FOXN3: variants seen among roughly 807,000 people sequenced by gnomAD.
The protein encoded by FOXN3 is forkhead box N3, also known as forkhead box protein N3.
Under a neutral mutation model 38.4 loss-of-function variants are expected in FOXN3, and 7 were observed. The observed-to-expected ratio is 0.18, with a 90% confidence interval of 0.10 to 0.34. The LOEUF is 0.34. Ranked by LOEUF, FOXN3 falls within the 10% of genes least tolerant of loss-of-function variation. The probability of loss-of-function intolerance (pLI) is 1.00; values close to 1 mark genes in which losing one functional copy is unlikely to be tolerated. For synonymous variants in FOXN3, 230 were observed against 242.2 expected (o/e 0.95, Z 0.47); for missense variants, 456 against 613.4 (o/e 0.74, Z 2.71).
intron 3 of FOXN3, among the ~76,000 whole-genome samples, chr14:89,296,042 TAGTA>T (rs759856509): frequency 6.6e-6 from 1 of 152,154 alleles, no homozygotes; most frequent in Admixed American, 6.5e-5. Context: ...ATCTCATTCA[TAGTA>T]AGTAATAGAT....
In FOXN3 at chr14:89,412,022, G is replaced by C. The variant is rs777453527; in HGVS notation, c.455C>G (p.Ala152Gly). The stretch of plus-strand genomic sequence containing the variant: ...GTTTTTCCACCCAGTAGGTGCATTT[G>C]CAAAATACGGAAAATGTTCCAAGAT... ...NWILEHFPYFANAPTGWKNSV... is the reference protein window; with the variant it reads ...NWILEHFPYFGNAPTGWKNSV... Residue 152 changes from alanine (A) to glycine (G), a missense_variant, in exon 2 of 6, where the codon GCA (alanine) becomes GGA (glycine). Physicochemically the swap from Ala to Gly is moderately conservative, Grantham distance 60. This residue lies in a region of FOXN3 where 386 missense variants were observed against 505.2 expected (regional missense o/e 0.76). Coordinates refer to ENST00000557258, the MANE Select transcript of FOXN3 (RefSeq NM_005197.4). This position sits in a 1 kb window ranked among gnomAD's most constrained non-coding sequence, Gnocchi z 4.7. The C allele has an allele frequency of 1.2e-6, 2 of 1,612,152 alleles. No homozygotes were observed. The highest frequency in any genetic ancestry group is 2.7e-5 in the African/African-American group (2 of 74,820).
chr14:89,545,832 C>T (rs1312980427), intron 1 of FOXN3, among the ~76,000 whole-genome samples: 1 of 152,184 alleles, frequency 6.6e-6, no homozygotes, highest in African/African-American at 2.4e-5. Flanking sequence ...CCCCAGAAAT[C>T]CTTTGCTGAG....
intron 3 of FOXN3, among the ~76,000 whole-genome samples, chr14:89,320,422 C>T (rs1219218902): frequency 2.0e-5 from 3 of 152,242 alleles, no homozygotes; most frequent in Admixed American, 2.0e-4. Flanking sequence ...ACTCAGGATT[C>T]CATGGTATGA....
chr14:89,385,413 CTTAA>C (rs1012975249), intron 2 of FOXN3, among the ~76,000 whole-genome samples: 21 of 147,160 alleles, frequency 1.4e-4, no homozygotes, highest in African/African-American at 5.2e-4. Flanking sequence ...GAGGAAAAGG[CTTAA>C]TTAATTATAG....
intron 1 of FOXN3, among the ~76,000 whole-genome samples, chr14:89,544,973 G>C (rs1894858259): frequency 6.6e-6 from 1 of 152,202 alleles, no homozygotes; most frequent in South Asian, 2.1e-4. Context: ...AGAGAACAGT[G>C]GATAAGTGGG....
intron 2 of FOXN3, among the ~76,000 whole-genome samples, chr14:89,404,785 C>T (rs1891345348): frequency 6.6e-6 from 1 of 152,024 alleles, no homozygotes; most frequent in African/African-American, 2.4e-5. Flanking sequence ...AAGGCAGCCC[C>T]AGGTCGAGGA....
rs146054479 is a variant in FOXN3 at position 89,558,207 on chromosome 14, A to G, written c.-15+60821T>C. Among the ~76,000 whole-genome samples the G allele has an allele frequency of 7.2e-5, 11 of 152,246 alleles. No individual in the cohort carries two copies. The East Asian group carries it at 2.1e-3, about 29-fold the overall frequency. The stretch of plus-strand genomic sequence containing the variant: ...AGACTCATTTGTACTTCTCCAGACA[A>G]CTCCTGTCTAGCTAGTTAGCTATTT... On this transcript the variant is annotated intron_variant, in intron 1 of 6. Transcript: ENST00000345097.
chr14:89,461,408 T>C (rs1175595874), intron 1 of FOXN3, among the ~76,000 whole-genome samples: 1 of 151,814 alleles, frequency 6.6e-6, no homozygotes, highest in Non-Finnish European at 1.5e-5. Flanking sequence ...ACCACCAGAA[T>C]ATACGCACCA....
intron 2 of FOXN3, among the ~76,000 whole-genome samples, chr14:89,397,821 T>C (rs1465749113): frequency 1.3e-5 from 2 of 152,196 alleles, no homozygotes; most frequent in Non-Finnish European, 2.9e-5. Context: ...TACCTGCTTA[T>C]AGTTGTTAAA....
chr14:89,336,537 ACAGT>A (rs1247162917), intron 3 of FOXN3, among the ~76,000 whole-genome samples: 2 of 152,298 alleles, frequency 1.3e-5, no homozygotes, highest in East Asian at 3.9e-4. Flanking sequence ...TGGGGTCAGA[ACAGT>A]CAGATGAGGC....
At chr14:89,454,142 A>C (rs751981349) in intron 1 of FOXN3, among the ~76,000 whole-genome samples, 1 of 152,194 alleles carries the variant, frequency 6.6e-6, no homozygotes, top group Non-Finnish European at 1.5e-5. Flanking sequence ...TGTCTCTTCT[A>C]AAAATACAAA....
chr14:89,567,262 A>G (rs1009363354), intron 1 of FOXN3, among the ~76,000 whole-genome samples: 2 of 152,210 alleles, frequency 1.3e-5, no homozygotes, highest in African/African-American at 2.4e-5. Context: ...TAAGCTGGAA[A>G]TGTTTGGTGC....
At position 89,157,665 on chromosome 14, in the gene FOXN3, T is replaced by C. The variant is rs538230516; in HGVS notation, c.*4749A>G. On this transcript the variant is annotated 3_prime_UTR_variant, in exon 6 of 6. Coordinates refer to ENST00000557258, the MANE Select transcript of FOXN3 (RefSeq NM_005197.4). ...TGTGTTAACTGCAATATAAACCAAG[T>C]CCAGAGTTTGGCAGGTAACTAAAAG... 6.5e-6 allele frequency: 1 copy of C among 152,724 alleles called. No individual in the cohort carries two copies. The highest frequency in any genetic ancestry group is 2.1e-4 in the South Asian group (1 of 4,824). 9.5% of individuals were successfully genotyped at this position (152,724 alleles called of 1,614,324 possible).
chr14:89,366,662 T>A (rs1189193074), intron 2 of FOXN3, among the ~76,000 whole-genome samples: 1 of 152,208 alleles, frequency 6.6e-6, no homozygotes, highest in East Asian at 1.9e-4. Flanking sequence ...GCATATTGAA[T>A]GAAGTGGAGG....
intron 4 of FOXN3, among the ~76,000 whole-genome samples, chr14:89,251,483 T>C: frequency 6.6e-6 from 1 of 152,238 alleles, no homozygotes; most frequent in East Asian, 1.9e-4. Flanking sequence ...GTTAAATGTC[T>C]ATAAACATAT....
chr14:89,385,877 G>A (rs1331140777), intron 2 of FOXN3, among the ~76,000 whole-genome samples: 2 of 152,216 alleles, frequency 1.3e-5, no homozygotes, highest in Non-Finnish European at 2.9e-5. Flanking sequence ...GGAGAAAAAA[G>A]CAAAAGAGGA....
At chr14:89,234,104 T>C (rs979829749) in intron 4 of FOXN3, among the ~76,000 whole-genome samples, 1 of 152,184 alleles carries the variant, frequency 6.6e-6, no homozygotes, top group Non-Finnish European at 1.5e-5. Context: ...ATTGGTTGAC[T>C]TCAACAGGCA....
chr14:89,577,785 G>A (rs1284400325), intron 1 of FOXN3, among the ~76,000 whole-genome samples: 2 of 152,144 alleles, frequency 1.3e-5, no homozygotes, highest in Non-Finnish European at 2.9e-5. Context: ...AAATTTTCCT[G>A]AGGAGGAAAT....
At chr14:89,287,570 A>T (rs2139927446) in intron 3 of FOXN3, among the ~76,000 whole-genome samples, 1 of 151,196 alleles carries the variant, frequency 6.6e-6, no homozygotes, top group Admixed American at 6.6e-5. Flanking sequence ...GACATCCTTA[A>T]CTCTCCCAAC....
Sources: gnomAD v4.1 joint callset for allele counts (sites outside exome capture counted in the v4.1 genomes callset) on GRCh38, gnomAD v4.1.1 for gene constraint, gnomAD v4.1.1 regional missense constraint, Gnocchi (gnomAD v3.1) non-coding constraint, MANE v1.5 for transcripts, NCBI Gene and HGNC (gene_info 2026-07-23, HGNC 2026-07-21) for gene names.